Variants in BDNF observed in about 807,000 individuals in gnomAD.
The protein encoded by BDNF is neurotrophic factor BDNF precursor form.
In BDNF, 1 loss-of-function variant was observed where a neutral mutation model predicts 19.5. The observed-to-expected ratio is 0.05, with a 90% CI of 0.02 to 0.24. The LOEUF is 0.24. Among genes scored for constraint, BDNF ranks in the 10% least tolerant of loss-of-function variants. The probability of loss-of-function intolerance (pLI) is 1.00; values close to 1 mark genes in which losing one functional copy is unlikely to be tolerated. For missense variants in BDNF, 195 were observed against 317.6 expected (o/e 0.61, Z 2.93); for synonymous variants, 100 against 121.6 (o/e 0.82, Z 1.17).
Position 27,657,580 on chromosome 11 carries a change from C to G in BDNF, c.*241G>C. ...TTCAGTTCTTGGCAACGGCAACAAA[C>G]CACAACATTATCAAGGAATGTAATG... On this transcript the variant is annotated 3_prime_UTR_variant, in exon 2 of 2. Coordinates refer to ENST00000356660, the MANE Select transcript of BDNF (RefSeq NM_001709.5). This position sits in a 1 kb window ranked among gnomAD's most constrained non-coding sequence, Gnocchi z 5.0. 7.8e-7 allele frequency: 1 copy of G among 1,289,960 alleles called. No homozygotes were observed. The highest frequency in any genetic ancestry group is 9.8e-7 in the Non-Finnish European group (1 of 1,019,278). The allele number at this position is 1,289,960 out of a possible 1,614,324, so 79.9% of individuals were successfully genotyped here. A position where few individuals can be genotyped will look rare whatever the true frequency, so the allele number is the denominator to read the frequency against.
At chr11:27,699,243 T>G (rs1859592199) in intron 1 of BDNF, 2 of 803,958 alleles carry the variant, frequency 2.5e-6, no homozygotes, top group Admixed American at 2.0e-5. Context: ...ACACAAACAC[T>G]GCATCCTCCA....
intron 1 of BDNF, among the ~76,000 whole-genome samples, chr11:27,708,559 T>C (rs138095645): frequency 4.2e-4 from 61 of 145,426 alleles, no homozygotes; most frequent in Non-Finnish European, 7.6e-4. Context: ...TTGCTCTCTG[T>C]TTCTAGAAAG....
Position 27,657,787 on chromosome 11 carries a change from C to T in BDNF, c.*34G>A. On this transcript the variant is annotated 3_prime_UTR_variant, in exon 2 of 2. Coordinates refer to ENST00000356660, the MANE Select transcript of BDNF (RefSeq NM_001709.5). The surrounding 1 kb of genome is among the most constrained non-coding windows in gnomAD (Gnocchi z 5.0). ...ATATATACAAATAGATAATTTTTGT[C>T]TCAATATAATCTAATCTATACAACA... 1 of 1,607,946 alleles carries T rather than the reference C, an allele frequency of 6.2e-7. No individual in the cohort carries two copies. Among genetic ancestry groups the T allele is most frequent in the Non-Finnish European group, 8.5e-7 (1 of 1,175,110 alleles).
At chr11:27,700,570 C>G (rs1046932559), upstream of BDNF, 28 of 953,172 alleles carry the variant, frequency 2.9e-5, no homozygotes, top group Middle Eastern at 5.5e-4. Context: ...CCCGCGCTAC[C>G]GATACCCGTT....
At chr11:27,693,839 G>A (rs1351900704) in intron 1 of BDNF, among the ~76,000 whole-genome samples, 1 of 152,206 alleles carries the variant, frequency 6.6e-6, no homozygotes, top group Non-Finnish European at 1.5e-5. Flanking sequence ...TGGAACTACT[G>A]ATGATAGCAA....
At chr11:27,718,354 A>ACCCCCCAC (rs1860600855) in intron 1 of BDNF, among the ~76,000 whole-genome samples, 1 of 101,112 alleles carries the variant, frequency 9.9e-6, no homozygotes, top group Non-Finnish European at 2.0e-5. Context: ...TCCGCACACC[A>ACCCCCCAC]CCCCCCCCCG....
At chr11:27,713,717 C>A (rs1447684843) in intron 1 of BDNF, among the ~76,000 whole-genome samples, 1 of 152,198 alleles carries the variant, frequency 6.6e-6, no homozygotes, top group African/African-American at 2.4e-5. Context: ...GTTGGATCAC[C>A]TTTCCCAGGT....
chr11:27,697,156 C>CAGAGAGAGAGAG (rs1214718714), intron 1 of BDNF, among the ~76,000 whole-genome samples: 5 of 69,226 alleles, frequency 7.2e-5, no homozygotes, highest in Non-Finnish European at 1.4e-4. Context: ...CACACACACA[C>CAGAGAGAGAGAG]ACACACACAG....
chr11:27,711,413 G>C (rs1860323320), intron 1 of BDNF, among the ~76,000 whole-genome samples: 1 of 152,134 alleles, frequency 6.6e-6, no homozygotes, highest in African/African-American at 2.4e-5. Flanking sequence ...TCTCTCATCG[G>C]TTAGCAAAGA....
intron 1 of BDNF, among the ~76,000 whole-genome samples, chr11:27,694,635 A>G (rs554274079): frequency 8.3e-5 from 10 of 120,000 alleles, no homozygotes; most frequent in Non-Finnish European, 5.2e-5. Context: ...ACCTTCATCT[A>G]TTCTAAGGTT....
upstream of BDNF, chr11:27,701,564 A>T (rs1859896429): frequency 5.1e-6 from 5 of 986,638 alleles, no homozygotes; most frequent in Non-Finnish European, 6.0e-6. Flanking sequence ...AGGCAGGGAG[A>T]TTTCATGCTA....
chr11:27,667,870 T>C (rs1268123679), intron 1 of BDNF, among the ~76,000 whole-genome samples: 1 of 151,914 alleles, frequency 6.6e-6, no homozygotes, highest in Non-Finnish European at 1.5e-5. Context: ...AGACAGAAAA[T>C]TAACAAAGAT....
chr11:27,656,780 T>C lies in BDNF; in HGVS notation c.*1041A>G, dbSNP rs1013725982. 6 of 985,194 alleles carry C rather than the reference T, an allele frequency of 6.1e-6. No homozygotes were observed. In the African/African-American group the frequency reaches 1.0e-4, roughly 17 times the overall value. The allele number at this position is 985,194 out of a possible 1,614,324, so 61.0% of individuals were successfully genotyped here. A position where few individuals can be genotyped will look rare whatever the true frequency, so the allele number is the denominator to read the frequency against. On this transcript the variant is annotated 3_prime_UTR_variant, in exon 2 of 2. Transcript: ENST00000356660. The stretch of plus-strand genomic sequence containing the variant: ...CACTCCTCATAAAAAATAATCTTCA[T>C]TTTGGGGTTATTTTTTGTTGTTTTC...
At chr11:27,667,387 AT>A (rs1564952544) in intron 1 of BDNF, among the ~76,000 whole-genome samples, 6 of 152,232 alleles carry the variant, frequency 3.9e-5, no homozygotes. Flanking sequence ...AGCTAACATC[AT>A]AATGACAGGA....
At chr11:27,662,242 G>A (rs978603031) in intron 1 of BDNF, among the ~76,000 whole-genome samples, 1 of 152,238 alleles carries the variant, frequency 6.6e-6, no homozygotes, top group African/African-American at 2.4e-5. Flanking sequence ...ATTGTTAACC[G>A]TATTTGCTCA....
chr11:27,680,784 C>T (rs1239331369), intron 1 of BDNF, among the ~76,000 whole-genome samples: 1 of 152,160 alleles, frequency 6.6e-6, no homozygotes, highest in Non-Finnish European at 1.5e-5. Flanking sequence ...TCTCATGCAA[C>T]TTTTAAAAAG....
intron 1 of BDNF, among the ~76,000 whole-genome samples, chr11:27,668,255 A>C (rs1564953611): frequency 6.6e-6 from 1 of 152,254 alleles, no homozygotes; most frequent in Non-Finnish European, 1.5e-5. Context: ...AATCTCTGGG[A>C]CACATTTAAA....
intron 1 of BDNF, among the ~76,000 whole-genome samples, chr11:27,689,897 C>T (rs933452945): frequency 6.6e-6 from 1 of 151,634 alleles, no homozygotes; most frequent in Admixed American, 6.6e-5. Context: ...TGCTCCAGGC[C>T]CCAGTGTGTG....
chr11:27,668,303 A>G (rs1215110850), intron 1 of BDNF, among the ~76,000 whole-genome samples: 2 of 152,244 alleles, frequency 1.3e-5, no homozygotes, highest in Non-Finnish European at 2.9e-5. Flanking sequence ...CTAAATGCCC[A>G]CAAGAGAAAG....
Sources: gnomAD v4.1 joint callset for allele counts (sites outside exome capture counted in the v4.1 genomes callset) on GRCh38, gnomAD v4.1.1 for gene constraint, Gnocchi (gnomAD v3.1) non-coding constraint, MANE v1.5 for transcripts, NCBI Gene and HGNC (gene_info 2026-07-23, HGNC 2026-07-21) for gene names.